The following TMX1 variants were observed in gnomAD, a reference collection of about 807,000 sequenced individuals.
The protein encoded by TMX1 is thioredoxin-related transmembrane protein 1.
Under a neutral mutation model 36.6 loss-of-function variants are expected in TMX1, and 25 were observed. The ratio of observed to expected loss-of-function variants is 0.68; its 90% confidence interval spans 0.50 to 0.95. TMX1 has a LOEUF of 0.95. Among genes scored for constraint, TMX1 ranks in the 40% least tolerant of loss-of-function variants. TMX1 has a pLI of 0.00. For synonymous variants in TMX1, 133 were observed against 118.0 expected, an observed-to-expected ratio of 1.13 and a Z score of -0.82; for missense variants, 347 against 339.6, an observed-to-expected ratio of 1.02 and a Z score of -0.17.
rs566024930 is a variant in TMX1, at chr14:51,249,757, A to G, written c.656A>G (p.Tyr219Cys). The G allele has an allele frequency of 3.7e-6, 6 of 1,607,610 alleles. No individual in the cohort carries two copies. The Admixed American group carries it at 8.4e-5, about 23-fold the overall frequency. ...SKRRRPQPYP[Y>C]PSKKLLSESA... ...AGGCGCAGACCACAGCCGTACCCAT[A>G]CCCTTCAAGTAAGTATATTTTAAAA... is the stretch of plus-strand genomic sequence containing the variant. The change falls in exon 7 of 8, where the codon TAC becomes TGC. Residue 219 changes from tyrosine (Y) to cysteine (C), a missense_variant. Transcript: ENST00000457354.
chr14:51,245,294 G>A lies in TMX1; in HGVS notation c.269-19G>A, dbSNP rs752507131. ...GTGATTGGCCTATGTAAAACCTGCT[G>A]TGTGTTCTTTATTTGTAGGACTGAG... On this transcript the variant is annotated intron_variant, in intron 2 of 7. Transcript: ENST00000457354. 1.5e-5 allele frequency: 25 copies of A among 1,613,262 alleles called. No individual in the cohort carries two copies. Among genetic ancestry groups the A allele is most frequent in the Non-Finnish European group, 2.1e-5 (25 of 1,179,926 alleles).
At position 51,240,273 on chromosome 14, in the gene TMX1, T is replaced by G; in HGVS notation, c.-20T>G. On this transcript the variant is annotated 5_prime_UTR_variant, in exon 1 of 8. Transcript: ENST00000457354. ...GTGGGAGCTGCGACCGCGCTCCCTG[T>G]GAGGTGGGCAAGCGGCGAAATGGCG... is the stretch of plus-strand genomic sequence containing the variant. 6.2e-7 allele frequency: 1 copy of G among 1,606,330 alleles called. No homozygotes were observed. The highest frequency in any genetic ancestry group is 8.5e-7 in the Non-Finnish European group (1 of 1,179,128).
At chr14:51,252,668 C>T (rs533882730) in intron 7 of TMX1, among the ~76,000 whole-genome samples, 2 of 152,238 alleles carry the variant, frequency 1.3e-5, no homozygotes, top group East Asian at 1.9e-4. Flanking sequence ...ATGCCCCTTC[C>T]GTAATGGAAC....
chr14:51,250,480 T>TTTTG lies in TMX1; in HGVS notation c.664+739_664+742dup, dbSNP rs143992568. On this transcript the variant is annotated intron_variant, in intron 7 of 7. Coordinates refer to ENST00000457354, the MANE Select transcript of TMX1 (RefSeq NM_030755.5). ...CTGATATTCCTTCATTTATTATGTC[T>TTTTG]TTTGTTTGTTTGTTTGTTTGTTTGT... Among the ~76,000 whole-genome samples, 15 of 150,690 alleles carry TTTTG rather than the reference T, an allele frequency of 1.0e-4. No homozygotes were observed. The South Asian group carries it at 1.5e-3, about 15-fold the overall frequency.
intron 3 of TMX1, among the ~76,000 whole-genome samples, chr14:51,246,387 G>A (rs796993973): frequency 1.9e-4 from 29 of 152,276 alleles, no homozygotes; most frequent in African/African-American, 6.0e-4. Flanking sequence ...GTTTTGGGGT[G>A]GGGGGCTTCC....
Position 51,249,561 on chromosome 14 carries a change from T to C in TMX1, c.583T>C (p.Leu195=), listed in dbSNP as rs763544706. 3 of 1,613,474 alleles carry C rather than the reference T, an allele frequency of 1.9e-6. No individual in the cohort carries two copies. Among genetic ancestry groups the C allele is most frequent in the South Asian group, 2.2e-5 (2 of 90,966 alleles). ...AGCAACTCTGTTTTCCGGACTGTTA[T>C]TAGGACTCGTAAGTATTTCATTTTT... ...ALATLFSGLL[L]GLCMIFVADC... The change falls in exon 6 of 8, where the codon TTA becomes CTA. Residue 195 remains leucine (L), a synonymous_variant. Transcript: ENST00000457354.
rs1425499284 is a variant in TMX1 at position 51,240,340 on chromosome 14, G to C, written c.48G>C (p.Leu16=). Residue 16 remains leucine (L), a synonymous_variant, in exon 1 of 8, where the codon CTG becomes CTC. Transcript: ENST00000457354. ...CAGTTCCCCTGGCAGTCCTGGTGCTGTTGCTTTGGGGTGCTCCCTGGACGC... is the reference window on the plus strand; with the variant it reads ...CAGTTCCCCTGGCAGTCCTGGTGCTCTTGCTTTGGGGTGCTCCCTGGACGC... ...SLAVPLAVLV[L]LLWGAPWTHG... 1 of 1,613,858 alleles carries C rather than the reference G, an allele frequency of 6.2e-7. No homozygotes were observed.
At position 51,245,317 on chromosome 14, in the gene TMX1, G is replaced by C. The variant is rs2065780483; in HGVS notation, c.273G>C (p.Leu91=). 1 of 1,613,874 alleles carries C rather than the reference G, an allele frequency of 6.2e-7. No homozygotes were observed. Among genetic ancestry groups the C allele is most frequent in the Non-Finnish European group, 8.5e-7 (1 of 1,179,954 alleles). Residue 91 remains leucine (L), a synonymous_variant, in exon 3 of 8, where the codon CTG becomes CTC. Transcript: ENST00000457354. Reference sequence around the variant, plus strand: ...CTGTGTGTTCTTTATTTGTAGGACTGAGTGGACGGTTTATCATAACTGCTC... The same window carrying C: ...CTGTGTGTTCTTTATTTGTAGGACTCAGTGGACGGTTTATCATAACTGCTC... The part of the protein sequence containing the change: ...AKVDVTEQPG[L]SGRFIITALP...
At chr14:51,252,102 TAA>T (rs55934680) in intron 7 of TMX1, among the ~76,000 whole-genome samples, 27,360 of 151,612 alleles carry the variant, frequency 0.18, 2,598 homozygotes, top group Non-Finnish European at 0.2. Context: ...TTAGAAACTT[TAA>T]AAGAGTTGAA....
chr14:51,254,668 TA>T lies in TMX1; in HGVS notation c.*153del, dbSNP rs2065830791. ...AATTGAAGAGTCTACATTCAGAACA[TA>T]AAAGCACTAGGTATACAAGTTTGAA... On this transcript the variant is annotated 3_prime_UTR_variant, in exon 8 of 8. Transcript: ENST00000457354. 1 of 633,146 alleles carries T rather than the reference TA, an allele frequency of 1.6e-6. No homozygotes were observed. Among genetic ancestry groups the T allele is most frequent in the African/African-American group, 1.9e-5 (1 of 52,322 alleles). The allele number at this position is 633,146 out of a possible 1,614,324, so 39.2% of individuals were successfully genotyped here.
chr14:51,249,782 A>G lies in TMX1; in HGVS notation c.664+17A>G. The G allele has an allele frequency of 6.3e-7, 1 of 1,575,500 alleles. No homozygotes were observed. The highest frequency in any genetic ancestry group is 8.6e-7 in the Non-Finnish European group (1 of 1,156,206). On this transcript the variant is annotated intron_variant, in intron 7 of 7. Coordinates refer to ENST00000457354, the MANE Select transcript of TMX1 (RefSeq NM_030755.5). ...ACCCTTCAAGTAAGTATATTTTAAA[A>G]TGTTTATTTTTTATTCACGATAGTC...
intron 1 of TMX1, among the ~76,000 whole-genome samples, chr14:51,242,211 A>G (rs368965060): frequency 9.7e-4 from 147 of 152,316 alleles, no homozygotes; most frequent in Middle Eastern, 3.4e-3. Context: ...TTCTGAAATG[A>G]ATTTTCATTC....
Position 51,255,391 on chromosome 14 carries a change from T to C in TMX1, c.*872T>C, listed in dbSNP as rs1185387657. ...ATTCTTGCTGAACTTCAACTTGAAA[T>C]TGTTTTTTTTTTTTTTTCTTTTTGG... On this transcript the variant is annotated 3_prime_UTR_variant, in exon 8 of 8. Transcript: ENST00000457354. The C allele has an allele frequency of 9.1e-6, 1 of 110,496 alleles. No individual in the cohort carries two copies. The highest frequency in any genetic ancestry group is 2.2e-5 in the Non-Finnish European group (1 of 45,968). 6.8% of individuals were successfully genotyped at this position (110,496 alleles called of 1,614,324 possible).
Position 51,256,170 on chromosome 14 carries a change from G to A in TMX1, c.*1651G>A, listed in dbSNP as rs1204321429. ...ACTTGATATGTGTAATCAAAAGACT[G>A]CCTTCTTTTTCTATTGAGATGTTTA... On this transcript the variant is annotated 3_prime_UTR_variant, in exon 8 of 8. Transcript: ENST00000457354. 1 of 152,100 alleles carries A rather than the reference G, an allele frequency of 6.6e-6. No individual in the cohort carries two copies. The highest frequency in any genetic ancestry group is 2.4e-5 in the African/African-American group (1 of 41,318). 9.4% of individuals were successfully genotyped at this position (152,100 alleles called of 1,614,324 possible).
rs564976458 is a variant in TMX1, at chr14:51,250,267, C to CTGT, written c.664+504_664+506dup. On this transcript the variant is annotated intron_variant, in intron 7 of 7. Transcript: ENST00000457354. ...AGCATTTACCAATCTTGTAATTGTA[C>CTGT]TGTTAATGGAAGCATTTATATTTGC... Among the ~76,000 whole-genome samples the CTGT allele has an allele frequency of 9.4e-4, 143 of 152,262 alleles. 2 individuals carry two copies. In the South Asian group the frequency reaches 0.029, roughly 30 times the overall value.
At chr14:51,250,713 G>A (rs2065807741) in intron 7 of TMX1, among the ~76,000 whole-genome samples, 1 of 152,250 alleles carries the variant, frequency 6.6e-6, no homozygotes, top group South Asian at 2.1e-4. Context: ...GGATGGTCTC[G>A]ATCTCCTGAC....
At chr14:51,245,463 A>G (rs1485082429) in intron 3 of TMX1, 105 bp downstream of exon 3, 2 of 1,559,180 alleles carry the variant, frequency 1.3e-6, no homozygotes, top group Non-Finnish European at 1.7e-6. Flanking sequence ...AGGTAATCTC[A>G]TTATATTCAG....
chr14:51,249,787 T>C lies in TMX1; in HGVS notation c.664+22T>C, dbSNP rs754766182. The C allele has an allele frequency of 5.8e-6, 9 of 1,553,690 alleles. No homozygotes were observed. The African/African-American group carries it at 6.9e-5, about 12-fold the overall frequency. Reference sequence around the variant, plus strand: ...TCAAGTAAGTATATTTTAAAATGTTTATTTTTTATTCACGATAGTCCTATT... The same window carrying C: ...TCAAGTAAGTATATTTTAAAATGTTCATTTTTTATTCACGATAGTCCTATT... On this transcript the variant is annotated intron_variant, in intron 7 of 7. Coordinates refer to ENST00000457354, the MANE Select transcript of TMX1 (RefSeq NM_030755.5).
In TMX1 at chr14:51,254,579, T is replaced by G; in HGVS notation, c.*60T>G. On this transcript the variant is annotated 3_prime_UTR_variant, in exon 8 of 8. Coordinates refer to ENST00000457354, the MANE Select transcript of TMX1 (RefSeq NM_030755.5). ...GATAAAAACAGAAGATTGATCATTT[T>G]GTTTGGTTTGAAGTGAACTGTGACT... 6.7e-7 allele frequency: 1 copy of G among 1,498,050 alleles called. No homozygotes were observed. The highest frequency in any genetic ancestry group is 9.0e-7 in the Non-Finnish European group (1 of 1,112,352). 92.8% of individuals were successfully genotyped at this position (1,498,050 alleles called of 1,614,324 possible).
Sources: gnomAD v4.1 joint callset for allele counts (sites outside exome capture counted in the v4.1 genomes callset) on GRCh38, gnomAD v4.1.1 for gene constraint, MANE v1.5 for transcripts, NCBI Gene and HGNC (gene_info 2026-07-23, HGNC 2026-07-21) for gene names.